The following AGAP1 variants were observed in gnomAD, a reference collection of about 807,000 sequenced individuals.
AGAP1 encodes the protein arf-GAP with GTPase, ANK repeat and PH domain-containing protein 1.
AGAP1 carries 29 observed loss-of-function variants against 105.3 expected under a neutral mutation model. That is an observed-to-expected ratio of 0.28 (90% confidence interval 0.21 to 0.38). The LOEUF (loss-of-function observed/expected upper bound fraction) is 0.38. Among genes scored for constraint, AGAP1 ranks in the 10% least tolerant of loss-of-function variants. AGAP1 has a pLI of 1.00. For missense variants in AGAP1, 998 were observed against 1,165.1 expected (o/e 0.86, Z 2.09); for synonymous variants, 509 against 485.9 (o/e 1.05, Z -0.63).
rs1352939356 is a variant in AGAP1 at position 235,712,595 on chromosome 2, T to TG, written c.222+3362dup. The stretch of plus-strand genomic sequence containing the variant: ...TTTTCAGCAAACCTCAGGGTTAGTG[T>TG]GGGGCTCTGGAGAAATCAGTTTAGG... On this transcript the variant is annotated intron_variant, in intron 2 of 17. Coordinates refer to ENST00000304032, the MANE Select transcript of AGAP1 (RefSeq NM_001037131.3). The surrounding 1 kb of genome is among the most constrained non-coding windows in gnomAD (Gnocchi z 6.0). Among the ~76,000 whole-genome samples, 1 of 152,208 alleles carries TG rather than the reference T, an allele frequency of 6.6e-6. No homozygotes were observed. Among genetic ancestry groups the TG allele is most frequent in the Non-Finnish European group, 1.5e-5 (1 of 68,030 alleles).
chr2:235,967,827 A>C lies in AGAP1; in HGVS notation c.1484-635A>C, dbSNP rs58158606. Among the ~76,000 whole-genome samples, 3,167 of 152,298 alleles carry C rather than the reference A, an allele frequency of 0.021. 120 individuals are homozygous for C. The highest frequency in any genetic ancestry group is 0.073 in the African/African-American group (3,023 of 41,544). ...ACTTATAGTGAATAATCACGTGTGCACTGGTTTTGAAACTGTTCTAAGTAG... is the reference window on the plus strand; with the variant it reads ...ACTTATAGTGAATAATCACGTGTGCCCTGGTTTTGAAACTGTTCTAAGTAG... On this transcript the variant is annotated intron_variant, in intron 12 of 17. Transcript: ENST00000304032. This position sits in a 1 kb window ranked among gnomAD's most constrained non-coding sequence, Gnocchi z 4.7.
rs1953034943 is a variant in AGAP1, at chr2:235,747,294, G to A, written c.538+2455G>A. Among the ~76,000 whole-genome samples the A allele has an allele frequency of 6.6e-6, 1 of 152,100 alleles. No individual in the cohort carries two copies. The highest frequency in any genetic ancestry group is 1.5e-5 in the Non-Finnish European group (1 of 68,024). Reference sequence around the variant, plus strand: ...ACCCTGATGAAGTTGAAGTCCTTGAGTAAAAGAAAGTACCCCCATTTATTC... The same window carrying A: ...ACCCTGATGAAGTTGAAGTCCTTGAATAAAAGAAAGTACCCCCATTTATTC... On this transcript the variant is annotated intron_variant, in intron 5 of 17. Coordinates refer to ENST00000304032, the MANE Select transcript of AGAP1 (RefSeq NM_001037131.3). This position sits in a 1 kb window ranked among gnomAD's most constrained non-coding sequence, Gnocchi z 5.0.
chr2:235,915,973 A>G (rs1167965602), intron 11 of AGAP1, among the ~76,000 whole-genome samples: 1 of 152,230 alleles, frequency 6.6e-6, no homozygotes. Context: ...AGACTTCTCA[A>G]GAGCAACATG....
At position 236,123,740 on chromosome 2, in the gene AGAP1, G is replaced by A. The variant is rs1576358298; in HGVS notation, c.2371-179G>A. Reference sequence around the variant, plus strand: ...ACATGTTCTTTCCTTAAAAGAATCCGCTGGCCACGGGTGCAGGCTGTGCCA... The same window carrying A: ...ACATGTTCTTTCCTTAAAAGAATCCACTGGCCACGGGTGCAGGCTGTGCCA... On this transcript the variant is annotated intron_variant, in intron 17 of 17. Transcript: ENST00000304032. This position sits in a 1 kb window ranked among gnomAD's most constrained non-coding sequence, Gnocchi z 4.6. Among the ~76,000 whole-genome samples the A allele has an allele frequency of 6.6e-6, 1 of 152,240 alleles. No individual in the cohort carries two copies. The highest frequency in any genetic ancestry group is 1.5e-5 in the Non-Finnish European group (1 of 68,020).
intron 9 of AGAP1, among the ~76,000 whole-genome samples, chr2:235,814,130 G>A (rs1958316102): frequency 6.6e-6 from 1 of 152,172 alleles, no homozygotes. Context: ...GGCCAGGGTG[G>A]TCTTGGAAAA....
chr2:235,954,417 G>A (rs933647604), intron 12 of AGAP1, among the ~76,000 whole-genome samples: 6 of 151,782 alleles, frequency 4.0e-5, no homozygotes, highest in African/African-American at 4.8e-5. Flanking sequence ...TCATAGGCAC[G>A]GTGGTTTGTG....
intron 1 of AGAP1, among the ~76,000 whole-genome samples, chr2:235,654,960 CAGA>C (rs1575052075): frequency 6.6e-6 from 1 of 152,136 alleles, no homozygotes; most frequent in East Asian, 1.9e-4. Context: ...GCATTCATAT[CAGA>C]AGGCCAGCAA....
chr2:235,568,845 A>T (rs1944430217), intron 1 of AGAP1, among the ~76,000 whole-genome samples: 1 of 152,164 alleles, frequency 6.6e-6, no homozygotes, highest in African/African-American at 2.4e-5. Context: ...CCTGAAAGGC[A>T]GCAGCGGATG....
chr2:235,717,744 G>A, intron 3 of AGAP1, 100 bp downstream of exon 3: 1 of 1,016,900 alleles, frequency 9.8e-7, no homozygotes, highest in Non-Finnish European at 1.4e-6. Flanking sequence ...CACAGGTCAA[G>A]AAAGCAATAA....
rs945555588 is a variant in AGAP1, at chr2:236,063,558, G to C, written c.2114+14277G>C. 2.0e-5 allele frequency among the ~76,000 whole-genome samples: 3 copies of C among 152,240 alleles called. No homozygotes were observed. In the South Asian group the frequency reaches 6.2e-4, roughly 32 times the overall value. The stretch of plus-strand genomic sequence containing the variant: ...CTTGACGAGATTATTTTCATGTTAA[G>C]AAAGGTAAAAGTTGCACACATTTGT... On this transcript the variant is annotated intron_variant, in intron 16 of 17. Transcript: ENST00000304032.
In AGAP1 at chr2:236,040,807, C is replaced by T. The variant is rs373939037; in HGVS notation, c.1857C>T (p.Arg619=). Residue 619 remains arginine (R), a synonymous_variant, in exon 15 of 18, where the codon CGC becomes CGT. Transcript: ENST00000304032. The surrounding 1 kb of genome is among the most constrained non-coding windows in gnomAD (Gnocchi z 5.6). ...CCCTGCAGTCGATCCGGAACATGCG[C>T]GGGAACTCCCACTGTGTGGACTGCG... ...AMALQSIRNM[R]GNSHCVDCET... is the part of the protein sequence containing the mutation. 24 of 1,614,076 alleles carry T rather than the reference C, an allele frequency of 1.5e-5. No individual in the cohort carries two copies. Among genetic ancestry groups the T allele is most frequent in the African/African-American group, 9.3e-5 (7 of 75,024 alleles).
At position 235,855,249 on chromosome 2, in the gene AGAP1, C is replaced by T. The variant is rs1575621933; in HGVS notation, c.1051-28096C>T. On this transcript the variant is annotated intron_variant, in intron 9 of 17. Coordinates refer to ENST00000304032, the MANE Select transcript of AGAP1 (RefSeq NM_001037131.3). This position sits in a 1 kb window ranked among gnomAD's most constrained non-coding sequence, Gnocchi z 5.0. ...CACGGAAATGGAAGCGTGAGGTCAT[C>T]CCTGTGATCAGTAACAAAAGTCTAC... Among the ~76,000 whole-genome samples, 1 of 152,298 alleles carries T rather than the reference C, an allele frequency of 6.6e-6. No individual in the cohort carries two copies.
At chr2:235,766,846 A>G (rs912681018) in intron 6 of AGAP1, among the ~76,000 whole-genome samples, 4 of 151,304 alleles carry the variant, frequency 2.6e-5, no homozygotes, top group East Asian at 1.9e-4. Flanking sequence ...GGTTCAAGCA[A>G]TTTTCATGCC....
At chr2:236,033,733 G>A (rs140018044) in intron 13 of AGAP1, among the ~76,000 whole-genome samples, 74 of 152,308 alleles carry the variant, frequency 4.9e-4, no homozygotes, top group Non-Finnish European at 7.8e-4. Flanking sequence ...CACAGTGACC[G>A]AGCCCTGCAC....
Position 236,053,563 on chromosome 2 carries a change from G to A in AGAP1, c.2114+4282G>A, listed in dbSNP as rs748250085. Among the ~76,000 whole-genome samples the A allele has an allele frequency of 5.3e-5, 8 of 152,270 alleles. No individual in the cohort carries two copies. The highest frequency in any genetic ancestry group is 1.0e-4 in the Non-Finnish European group (7 of 68,048). ...AGTGCAAGTGATTTCCTAGCAGGACGGAGCAGAGCCCTCTGGCGCCACATT... is the reference window on the plus strand; with the variant it reads ...AGTGCAAGTGATTTCCTAGCAGGACAGAGCAGAGCCCTCTGGCGCCACATT... On this transcript the variant is annotated intron_variant, in intron 16 of 17. Coordinates refer to ENST00000304032, the MANE Select transcript of AGAP1 (RefSeq NM_001037131.3). The surrounding 1 kb of genome is among the most constrained non-coding windows in gnomAD (Gnocchi z 4.6).
At position 236,014,081 on chromosome 2, in the gene AGAP1, C is replaced by A. The variant is rs183185769; in HGVS notation, c.1646-22480C>A. Among the ~76,000 whole-genome samples the A allele has an allele frequency of 2.0e-4, 31 of 152,234 alleles. No individual in the cohort carries two copies. The highest frequency in any genetic ancestry group is 2.0e-3 in the Admixed American group (31 of 15,296). ...GCTGCGCCCTTGTTAAATTGGTTCT[C>A]TTCCGAACCCAGCGTCCCACTGTCG... On this transcript the variant is annotated intron_variant, in intron 13 of 17. Transcript: ENST00000304032. The surrounding 1 kb of genome is among the most constrained non-coding windows in gnomAD (Gnocchi z 6.3).
chr2:235,996,821 A>G (rs536913614), intron 13 of AGAP1, among the ~76,000 whole-genome samples: 4 of 152,358 alleles, frequency 2.6e-5, no homozygotes, highest in Non-Finnish European at 4.4e-5. Context: ...GTGCTCATCA[A>G]AAGACGCCTG....
chr2:235,883,737 A>C lies in AGAP1; in HGVS notation c.1155+288A>C, dbSNP rs2050141018. ...AAATTTTAGATGAGAGTAAAAAGAC[A>C]GGGGCAAGGAGAAAAGAGAAAGGAG... On this transcript the variant is annotated intron_variant, in intron 10 of 17. Coordinates refer to ENST00000304032, the MANE Select transcript of AGAP1 (RefSeq NM_001037131.3). This position sits in a 1 kb window ranked among gnomAD's most constrained non-coding sequence, Gnocchi z 4.5. 6.6e-6 allele frequency among the ~76,000 whole-genome samples: 1 copy of C among 152,242 alleles called. No individual in the cohort carries two copies. Among genetic ancestry groups the C allele is most frequent in the Non-Finnish European group, 1.5e-5 (1 of 68,036 alleles).
rs1472910081 is a variant in AGAP1, at chr2:236,005,114, T to C, written c.1646-31447T>C. 6.8e-6 allele frequency among the ~76,000 whole-genome samples: 1 copy of C among 146,602 alleles called. No individual in the cohort carries two copies. The highest frequency in any genetic ancestry group is 6.7e-5 in the Admixed American group (1 of 14,920). The stretch of plus-strand genomic sequence containing the variant: ...TCCCACCACTTCCCCCTGACAAGTT[T>C]CCCATGTTTTTTGTGTGTGTGTGTG... On this transcript the variant is annotated intron_variant, in intron 13 of 17. Transcript: ENST00000304032. This position sits in a 1 kb window ranked among gnomAD's most constrained non-coding sequence, Gnocchi z 4.1.
Sources: gnomAD v4.1 joint callset for allele counts (sites outside exome capture counted in the v4.1 genomes callset) on GRCh38, gnomAD v4.1.1 for gene constraint, Gnocchi (gnomAD v3.1) non-coding constraint, MANE v1.5 for transcripts, NCBI Gene and HGNC (gene_info 2026-07-23, HGNC 2026-07-21) for gene names.